The following GOLGA3 variants were observed in gnomAD, a reference collection of about 807,000 sequenced individuals.
GOLGA3 encodes golgin subfamily A member 3.
GOLGA3 carries 75 observed loss-of-function variants against 169.4 expected under a neutral mutation model. The ratio of observed to expected loss-of-function variants is 0.44; its 90% confidence interval spans 0.37 to 0.54. The LOEUF (loss-of-function observed/expected upper bound fraction) is 0.54, where lower values mean the gene tolerates loss of function less well. GOLGA3 is among the 20% of genes least tolerant of loss of function. The pLI is 0.00. For missense variants in GOLGA3, 1,899 were observed against 1,930.0 expected, an observed-to-expected ratio of 0.98 and a Z score of 0.30; for synonymous variants, 824 against 822.4, an observed-to-expected ratio of 1.00 and a Z score of -0.03.
intron 3 of GOLGA3, among the ~76,000 whole-genome samples, chr12:132,815,438 G>A (rs1047380336): frequency 6.6e-6 from 1 of 152,038 alleles, no homozygotes; most frequent in African/African-American, 2.4e-5. Context: ...AATAAACTAA[G>A]TTGAAAAAAA....
At chr12:132,788,955 A>AGGCCCCGCCCCAGACACC in intron 13 of GOLGA3, 72 bp downstream of exon 13, 12 of 929,964 alleles carry the variant, frequency 1.3e-5, no homozygotes, top group Admixed American at 6.8e-5. Context: ...CCCCAGACAC[A>AGGCCCCGCCCCAGACACC]GGCCCCACCC....
In GOLGA3 at chr12:132,808,258, C is replaced by T. The variant is rs1163006580; in HGVS notation, c.811G>A (p.Gly271Ser). 5 of 1,613,924 alleles carry T rather than the reference C, an allele frequency of 3.1e-6. No individual in the cohort carries two copies. The highest frequency in any genetic ancestry group is 4.2e-6 in the Non-Finnish European group (5 of 1,180,032). Residue 271 changes from glycine to serine, a missense_variant, in exon 5 of 24, where the codon GGT (glycine) becomes AGT (serine). Gly to Ser is a moderately conservative substitution (Grantham distance 56). Transcript: ENST00000450791. Reference sequence around the variant, plus strand: ...CTGCTTCTGTTCTGCTTCAGGGAACCCTTGGTAGAATCGGGAGCCGGGACA... The same window carrying T: ...CTGCTTCTGTTCTGCTTCAGGGAACTCTTGGTAGAATCGGGAGCCGGGACA... Reference protein sequence around the residue: ...GNVPAPDSTKGSLKQNRSSAA... With the variant: ...GNVPAPDSTKSSLKQNRSSAA...
chr12:132,800,937 T>C (rs1949101818), intron 8 of GOLGA3, among the ~76,000 whole-genome samples: 2 of 151,998 alleles, frequency 1.3e-5, no homozygotes, highest in African/African-American at 4.8e-5. Flanking sequence ...CCAGCCTGGG[T>C]GACGGAGTGA....
chr12:132,780,737 T>C (rs1461535347), intron 18 of GOLGA3, 61 bp downstream of exon 18: 30 of 1,024,600 alleles, frequency 2.9e-5, no homozygotes, highest in African/African-American at 1.1e-4. Context: ...GGACCCTGCA[T>C]AGATTTCTAG....
intron 4 of GOLGA3, among the ~76,000 whole-genome samples, chr12:132,809,814 A>G (rs1225854588): frequency 1.3e-5 from 2 of 152,238 alleles, no homozygotes; most frequent in Non-Finnish European, 2.9e-5. Context: ...TTCTTGTTTT[A>G]TATTTTATTA....
In GOLGA3 at chr12:132,821,983, C is replaced by T. The variant is rs528944733; in HGVS notation, c.133+13G>A. 6.3e-7 allele frequency: 1 copy of T among 1,586,960 alleles called. No homozygotes were observed. On this transcript the variant is annotated intron_variant, in intron 2 of 23. Transcript: ENST00000450791. ...CTCCTGTGACCAGCACACAGAGGAA[C>T]CTCACGACTTACACTGGACTTTGTC...
chr12:132,816,199 G>GA (rs945117579), intron 3 of GOLGA3, among the ~76,000 whole-genome samples: 11 of 151,238 alleles, frequency 7.3e-5, no homozygotes, highest in South Asian at 2.1e-4. Flanking sequence ...CTCTGTCTCA[G>GA]AAAAAAAAAG....
chr12:132,813,393 C>G lies in GOLGA3; in HGVS notation c.433G>C (p.Glu145Gln). The stretch of plus-strand genomic sequence containing the variant: ...TGAAGTCGGACCTGCTCCTCCTTCT[C>G]CAGGGGCAGGGGAGAATCTGTAGAG... ...LCSTDSPLPLEKEEQVRLQAR... is the reference protein window; with the variant it reads ...LCSTDSPLPLQKEEQVRLQAR... Residue 145 changes from glutamate to glutamine, a missense_variant, in exon 4 of 24, where the codon GAG (glutamate) becomes CAG (glutamine). Physicochemically the swap from Glu to Gln is conservative, Grantham distance 29. Transcript: ENST00000450791. 2 of 1,611,968 alleles carry G rather than the reference C, an allele frequency of 1.2e-6. No homozygotes were observed. The highest frequency in any genetic ancestry group is 1.7e-6 in the Non-Finnish European group (2 of 1,178,474).
rs544925118 is a variant in GOLGA3, at chr12:132,825,895, T to C, written c.-184+2908A>G. ...ACAAGAAATGCCCCTTCACTGGTGATGTCTCCATTCGAGGGCGGATCCTCT... is the reference window on the plus strand; with the variant it reads ...ACAAGAAATGCCCCTTCACTGGTGACGTCTCCATTCGAGGGCGGATCCTCT... On this transcript the variant is annotated intron_variant, in intron 1 of 23. Coordinates refer to ENST00000450791, the MANE Select transcript of GOLGA3 (RefSeq NM_001389683.1). 5.2e-6 allele frequency: 5 copies of C among 961,528 alleles called. No homozygotes were observed. The South Asian group carries it at 6.4e-5, about 12-fold the overall frequency. 59.6% of individuals were successfully genotyped at this position (961,528 alleles called of 1,614,324 possible). A position where few individuals can be genotyped will look rare whatever the true frequency, so the allele number is the denominator to read the frequency against.
chr12:132,773,219 C>A lies in GOLGA3; in HGVS notation c.4383G>T (p.Thr1461=). Residue 1461 remains threonine (T), a synonymous_variant, in exon 24 of 24, where the codon ACG becomes ACT. Transcript: ENST00000450791. ...GGCTGGCAGTGGCTGGCTCCAGCGG[C>A]GTCCACGAGGACAGAGACTCGTGCA... ...LTVHESLSSW[T]PLEPATASPV... 1 of 1,573,124 alleles carries A rather than the reference C, an allele frequency of 6.4e-7. No homozygotes were observed. The highest frequency in any genetic ancestry group is 8.6e-7 in the Non-Finnish European group (1 of 1,157,126).
Position 132,769,599 on chromosome 12 carries a change from A to G in GOLGA3, c.*3506T>C, listed in dbSNP as rs1229001009. On this transcript the variant is annotated 3_prime_UTR_variant, in exon 24 of 24. Coordinates refer to ENST00000450791, the MANE Select transcript of GOLGA3 (RefSeq NM_001389683.1). ...CACATATACCACGGAAAAACACATG[A>G]AAACCAAGTTACGTTGTTTTTGGAA... The G allele has an allele frequency of 6.6e-6, 1 of 152,248 alleles. No individual in the cohort carries two copies. Among genetic ancestry groups the G allele is most frequent in the African/African-American group, 2.4e-5 (1 of 41,462 alleles). The allele number at this position is 152,248 out of a possible 1,614,324, so 9.4% of individuals were successfully genotyped here. A position where few individuals can be genotyped will look rare whatever the true frequency, so the allele number is the denominator to read the frequency against.
chr12:132,816,932 A>G, intron 2 of GOLGA3, 120 bp from the exon 3 acceptor site: 1 of 939,628 alleles, frequency 1.1e-6, no homozygotes, highest in Non-Finnish European at 1.5e-6. Context: ...GCACTTTCTC[A>G]TCCCACAAAG....
At chr12:132,822,746 C>T (rs959834876) in intron 1 of GOLGA3, among the ~76,000 whole-genome samples, 7 of 151,942 alleles carry the variant, frequency 4.6e-5, no homozygotes, top group African/African-American at 1.5e-4. Flanking sequence ...CATGGTGAAA[C>T]CCCCACCTCT....
At chr12:132,812,481 T>A (rs187369752) in intron 4 of GOLGA3, among the ~76,000 whole-genome samples, 2 of 152,270 alleles carry the variant, frequency 1.3e-5, no homozygotes, top group Admixed American at 1.3e-4. Flanking sequence ...TGGAAAGGAT[T>A]CACCATTCTA....
intron 4 of GOLGA3, 125 bp downstream of exon 4, chr12:132,813,182 C>A: frequency 1.5e-6 from 1 of 649,856 alleles, no homozygotes; most frequent in South Asian, 1.7e-5. Flanking sequence ...ATAAAATGTG[C>A]TTGTTGCCCC....
At chr12:132,774,036 C>A (rs1374994140) in intron 23 of GOLGA3, 121 bp downstream of exon 23, 8 of 875,008 alleles carry the variant, frequency 9.1e-6, no homozygotes, top group African/African-American at 1.7e-5. Context: ...AGTCCCCCAC[C>A]CTTATATAAA....
intron 4 of GOLGA3, among the ~76,000 whole-genome samples, chr12:132,808,936 A>G (rs1286304071): frequency 6.6e-6 from 1 of 152,212 alleles, no homozygotes; most frequent in Non-Finnish European, 1.5e-5. Flanking sequence ...ACAAAGAGAC[A>G]AGAGAAAAGG....
chr12:132,784,006 A>C, intron 16 of GOLGA3, 158 bp downstream of exon 16: 2 of 1,506,188 alleles, frequency 1.3e-6, no homozygotes, highest in Non-Finnish European at 8.8e-7. Context: ...CTGCCCCACC[A>C]CAGAGCCAGA....
At chr12:132,821,104 A>G (rs1162806899) in intron 2 of GOLGA3, among the ~76,000 whole-genome samples, 1 of 149,126 alleles carries the variant, frequency 6.7e-6, no homozygotes, top group South Asian at 2.1e-4. Context: ...CGTCTCAAAA[A>G]AAAAAAAAAA....
Sources: gnomAD v4.1 joint callset for allele counts (sites outside exome capture counted in the v4.1 genomes callset) on GRCh38, gnomAD v4.1.1 for gene constraint, MANE v1.5 for transcripts, NCBI Gene and HGNC (gene_info 2026-07-23, HGNC 2026-07-21) for gene names.